SPEF2: variants seen among roughly 807,000 people sequenced by gnomAD.
SPEF2 encodes the protein sperm flagella and cilia-associated protein 2.
Under a neutral mutation model 224.6 loss-of-function variants are expected in SPEF2, and 187 were observed. The ratio of observed to expected loss-of-function variants is 0.83; its 90% CI spans 0.74 to 0.94. SPEF2 has a LOEUF of 0.94. Among genes scored for constraint, SPEF2 ranks in the 40% least tolerant of loss-of-function variants. The probability of loss-of-function intolerance (pLI) is 0.00; values close to 1 mark genes in which losing one functional copy is unlikely to be tolerated. For missense variants in SPEF2, 2,170 were observed against 2,135.6 expected, an observed-to-expected ratio of 1.02 and a Z score of -0.32; for synonymous variants, 715 against 707.3, an observed-to-expected ratio of 1.01 and a Z score of -0.17.
rs1240338403 is a variant in SPEF2, at chr5:35,753,632, A to C, written c.3339A>C (p.Arg1113=). 1 of 1,614,152 alleles carries C rather than the reference A, an allele frequency of 6.2e-7. No homozygotes were observed. The highest frequency in any genetic ancestry group is 8.5e-7 in the Non-Finnish European group (1 of 1,180,018). The change falls in exon 24 of 37, where the codon CGA becomes CGC. Residue 1113 remains arginine, a synonymous_variant. Transcript: ENST00000356031. ...AELHQRVNDL[R]DRLWDICDAR... Reference sequence around the variant, plus strand: ...CTGTTTTTTCTGTTCAGGATCTGCGAGACCGCCTGTGGGACATTTGTGATG... The same window carrying C: ...CTGTTTTTTCTGTTCAGGATCTGCGCGACCGCCTGTGGGACATTTGTGATG...
chr5:35,638,591 C>G (rs1443709163), intron 2 of SPEF2, among the ~76,000 whole-genome samples: 1 of 152,064 alleles, frequency 6.6e-6, no homozygotes, highest in South Asian at 2.1e-4. Context: ...ATTTAGTCTC[C>G]CTTTTCTCTT....
rs74463251 is a variant in SPEF2, at chr5:35,690,310, G to A, written c.1525-727G>A. ...ACTGATTTATTGAACATTGCACCTC[G>A]ATCAAGGCATTTTAGGCTAAGGGGC... On this transcript the variant is annotated intron_variant, in intron 10 of 36. Coordinates refer to ENST00000356031, the MANE Select transcript of SPEF2 (RefSeq NM_024867.4). Among the ~76,000 whole-genome samples the A allele has an allele frequency of 1.6e-3, 238 of 152,154 alleles. 1 individual carries two copies. The highest frequency in any genetic ancestry group is 5.4e-3 in the African/African-American group (226 of 41,518).
intron 13 of SPEF2, among the ~76,000 whole-genome samples, chr5:35,694,685 A>T (rs1341279536): frequency 3.3e-5 from 5 of 152,052 alleles, no homozygotes; most frequent in Non-Finnish European, 7.4e-5. Flanking sequence ...TCTTGTTCTC[A>T]CCAGTGTGTA....
chr5:35,684,552 G>A (rs1182284051), intron 10 of SPEF2, among the ~76,000 whole-genome samples: 1 of 152,164 alleles, frequency 6.6e-6, no homozygotes, highest in East Asian at 1.9e-4. Context: ...AGTGCAGCTG[G>A]ATGTGGCGCT....
Position 35,717,442 on chromosome 5 carries a change from C to A in SPEF2, c.2914+4556C>A, listed in dbSNP as rs534745588. On this transcript the variant is annotated intron_variant, in intron 20 of 36. Coordinates refer to ENST00000356031, the MANE Select transcript of SPEF2 (RefSeq NM_024867.4). ...CAGGGTCAATTATTGTAGGTGCTAC[C>A]AAGCCACTTAAAATAATAAATTTAG... Among the ~76,000 whole-genome samples the A allele has an allele frequency of 4.1e-4, 62 of 152,236 alleles. 1 individual carries two copies. Among genetic ancestry groups the A allele is most frequent in the African/African-American group, 1.4e-3 (60 of 41,542 alleles).
At chr5:35,809,572 A>G (rs765133465) in intron 36 of SPEF2, among the ~76,000 whole-genome samples, 2 of 152,150 alleles carry the variant, frequency 1.3e-5, no homozygotes, top group African/African-American at 2.4e-5. Context: ...GCATGGAAGA[A>G]GGACTGCAGG....
chr5:35,736,826 T>G (rs1746687069), intron 21 of SPEF2, among the ~76,000 whole-genome samples: 1 of 152,208 alleles, frequency 6.6e-6, no homozygotes, highest in Admixed American at 6.5e-5. Flanking sequence ...TGCTAAAGCT[T>G]TAGCAAACTT....
At chr5:35,786,488 C>T (rs1322014850) in intron 30 of SPEF2, among the ~76,000 whole-genome samples, 3 of 151,590 alleles carry the variant, frequency 2.0e-5, no homozygotes, top group African/African-American at 7.3e-5. Flanking sequence ...GGTGAAACCC[C>T]GTCTCTAATA....
chr5:35,725,424 AAACAACAAC>A (rs560382919), intron 20 of SPEF2, among the ~76,000 whole-genome samples: 7 of 152,018 alleles, frequency 4.6e-5, no homozygotes, highest in East Asian at 3.9e-4. Flanking sequence ...TCTTAAAAGA[AAACAACAAC>A]AACAACAACA....
chr5:35,776,212 T>G, intron 28 of SPEF2, 45 bp from the exon 29 acceptor site: 1 of 1,567,166 alleles, frequency 6.4e-7, no homozygotes, highest in Non-Finnish European at 8.6e-7. Flanking sequence ...AGTAAATGCA[T>G]GCACTGCAAT....
chr5:35,637,677 C>G (rs1371166436), intron 2 of SPEF2, among the ~76,000 whole-genome samples: 1 of 152,174 alleles, frequency 6.6e-6, no homozygotes, highest in African/African-American at 2.4e-5. Flanking sequence ...GGGTAACATC[C>G]TAACCCATAC....
intron 21 of SPEF2, among the ~76,000 whole-genome samples, chr5:35,737,042 T>G (rs1580513733): frequency 1.3e-5 from 2 of 152,350 alleles, no homozygotes; most frequent in East Asian, 3.9e-4. Context: ...AGGATCATAC[T>G]GATAAAGCTA....
At chr5:35,734,334 A>G (rs1008419455) in intron 21 of SPEF2, among the ~76,000 whole-genome samples, 4 of 144,566 alleles carry the variant, frequency 2.8e-5, no homozygotes, top group African/African-American at 1.0e-4. Context: ...CCTTCTGCTC[A>G]GAGTGCTCTT....
At chr5:35,741,721 C>T (rs1580536125) in intron 23 of SPEF2, among the ~76,000 whole-genome samples, 2 of 152,246 alleles carry the variant, frequency 1.3e-5, no homozygotes, top group South Asian at 4.2e-4. Flanking sequence ...AAGGGTTTAA[C>T]CCAATAGGTA....
At chr5:35,786,961 T>G (rs1755234061) in intron 30 of SPEF2, among the ~76,000 whole-genome samples, 1 of 152,234 alleles carries the variant, frequency 6.6e-6, no homozygotes, top group Non-Finnish European at 1.5e-5. Context: ...ATTCAATTTT[T>G]TATTATATGA....
At chr5:35,628,341 A>T in intron 1 of SPEF2, 119 bp from the exon 2 acceptor site, 1 of 537,564 alleles carries the variant, frequency 1.9e-6, no homozygotes, top group East Asian at 3.2e-5. Context: ...AAATATATTC[A>T]TGGCATTTTG....
chr5:35,706,317 A>G (rs1407858446), intron 18 of SPEF2, among the ~76,000 whole-genome samples: 2 of 151,746 alleles, frequency 1.3e-5, no homozygotes, highest in Non-Finnish European at 2.9e-5. Flanking sequence ...TATTATTATT[A>G]AATTGATTAT....
At chr5:35,670,603 A>G in intron 10 of SPEF2, 1 of 986,872 alleles carries the variant, frequency 1.0e-6, no homozygotes, top group African/African-American at 1.7e-5. Context: ...AATCTAAATA[A>G]TAGACTTTTT....
Position 35,751,000 on chromosome 5 carries a change from TATATATATATAC to T in SPEF2, c.3331-2623_3331-2612del, listed in dbSNP as rs1292653840. On this transcript the variant is annotated intron_variant, in intron 23 of 36. Transcript: ENST00000356031. ...AAACTGTGCTATATATATATATGTATATATATATATACGTATATATATACGTATATATATACA... is the reference window on the plus strand; with the variant it reads ...AAACTGTGCTATATATATATATGTATGTATATATATACGTATATATATACA... 3.2e-3 allele frequency among the ~76,000 whole-genome samples: 331 copies of T among 102,582 alleles called. 6 individuals are homozygous for T. Among genetic ancestry groups the T allele is most frequent in the African/African-American group, 0.01 (297 of 28,922 alleles). The allele number at this position is 102,582 out of a possible 152,430, so 67.3% of individuals were successfully genotyped here.
Sources: gnomAD v4.1 joint callset for allele counts (sites outside exome capture counted in the v4.1 genomes callset) on GRCh38, gnomAD v4.1.1 for gene constraint, MANE v1.5 for transcripts, NCBI Gene and HGNC (gene_info 2026-07-23, HGNC 2026-07-21) for gene names.